The following AFF1 variants were observed in gnomAD, a reference collection of about 807,000 sequenced individuals.
The protein encoded by AFF1 is ALF transcription elongation factor 1.
Under a neutral mutation model 121.7 loss-of-function variants are expected in AFF1, and 48 were observed. The ratio of observed to expected loss-of-function variants is 0.39; its 90% CI spans 0.31 to 0.50. AFF1 has a LOEUF of 0.50. Ranked by LOEUF, AFF1 falls within the 20% of genes least tolerant of loss-of-function variation. The pLI is 0.76. For synonymous variants in AFF1, 613 were observed against 563.0 expected, an observed-to-expected ratio of 1.09 and a Z score of -1.26; for missense variants, 1,523 against 1,511.7, an observed-to-expected ratio of 1.01 and a Z score of -0.12.
At chr4:87,051,141 G>T (rs1731219868) in intron 4 of AFF1, among the ~76,000 whole-genome samples, 2 of 152,146 alleles carry the variant, frequency 1.3e-5, no homozygotes, top group South Asian at 4.1e-4. Context: ...CTTTCATTTT[G>T]CAAATAAGGT....
chr4:87,048,299 C>T (rs1477053738), intron 4 of AFF1, among the ~76,000 whole-genome samples: 2 of 152,044 alleles, frequency 1.3e-5, no homozygotes, highest in East Asian at 3.9e-4. Context: ...TTAAAAGTAA[C>T]CCAAATGCTG....
chr4:86,944,591 G>T (rs1159759495), intron 1 of AFF1, among the ~76,000 whole-genome samples: 1 of 151,962 alleles, frequency 6.6e-6, no homozygotes, highest in African/African-American at 2.4e-5. Context: ...TGATTTGCCC[G>T]CCTCGGCCTC....
intron 2 of AFF1, among the ~76,000 whole-genome samples, chr4:87,005,198 C>T (rs1726007816): frequency 6.6e-6 from 1 of 152,196 alleles, no homozygotes; most frequent in African/African-American, 2.4e-5. Flanking sequence ...GCTCTGGTAT[C>T]AAACTCCTGA....
chr4:87,123,697 TTC>T (rs1727944470), intron 12 of AFF1, among the ~76,000 whole-genome samples: 1 of 152,202 alleles, frequency 6.6e-6, no homozygotes. Flanking sequence ...TTTTTCTGTT[TTC>T]TATTATTTTG....
intron 2 of AFF1, chr4:87,007,253 C>G (rs1200108309): frequency 1.3e-6 from 2 of 1,497,398 alleles, no homozygotes; most frequent in African/African-American, 1.4e-5. Flanking sequence ...CGAGGACGCC[C>G]GGGGCTCGAG....
At chr4:86,984,992 A>C (rs1029939520) in intron 2 of AFF1, among the ~76,000 whole-genome samples, 5 of 151,672 alleles carry the variant, frequency 3.3e-5, no homozygotes, top group African/African-American at 4.8e-5. Flanking sequence ...TATTGGTATT[A>C]TTATTGTACT....
chr4:86,949,811 A>G (rs956061402), intron 2 of AFF1: 10 of 1,613,930 alleles, frequency 6.2e-6, no homozygotes, highest in Non-Finnish European at 7.6e-6. Context: ...ACACTGCGTC[A>G]TGATGGCGAA....
At chr4:86,997,161 C>T (rs1474970662) in intron 2 of AFF1, among the ~76,000 whole-genome samples, 3 of 152,184 alleles carry the variant, frequency 2.0e-5, no homozygotes, top group African/African-American at 7.2e-5. Flanking sequence ...ATCCGCCCGC[C>T]TTGGCCCCCC....
At chr4:87,041,544 T>C (rs1730152489) in intron 2 of AFF1, among the ~76,000 whole-genome samples, 1 of 152,144 alleles carries the variant, frequency 6.6e-6, no homozygotes, top group African/African-American at 2.4e-5. Flanking sequence ...ACCTCTTAGC[T>C]AATGCAAAGT....
At chr4:87,010,135 C>T (rs1726588079) in intron 2 of AFF1, among the ~76,000 whole-genome samples, 2 of 152,156 alleles carry the variant, frequency 1.3e-5, no homozygotes, top group South Asian at 4.1e-4. Flanking sequence ...TGAGAGATTA[C>T]CTAAGTATTT....
chr4:87,022,686 ATG>A (rs1476134343), intron 2 of AFF1, among the ~76,000 whole-genome samples: 35 of 79,222 alleles, frequency 4.4e-4, no homozygotes, highest in Middle Eastern at 8.2e-3. Flanking sequence ...ATGTGTGTGT[ATG>A]TATATCTGTG....
chr4:87,132,281 C>G lies in AFF1; in HGVS notation c.3184C>G (p.Gln1062Glu). The G allele has an allele frequency of 6.2e-7, 1 of 1,612,384 alleles. No individual in the cohort carries two copies. Among genetic ancestry groups the G allele is most frequent in the Non-Finnish European group, 8.5e-7 (1 of 1,179,348 alleles). Residue 1062 changes from glutamine to glutamate, a missense_variant, in exon 19 of 21, where the codon CAG (glutamine) becomes GAG (glutamate). By Grantham distance (29) the Gln-to-Glu change is conservative. Coordinates refer to ENST00000395146, the MANE Select transcript of AFF1 (RefSeq NM_001166693.3). Reference sequence around the variant, plus strand: ...TGTCTTTGTTCATAGCATGCGTTGCCAGTCCATTTTGAACATGGCGATGTT... The same window carrying G: ...TGTCTTTGTTCATAGCATGCGTTGCGAGTCCATTTTGAACATGGCGATGTT... ...KIFAVLCMRC[Q>E]SILNMAMFRC...
intron 2 of AFF1, among the ~76,000 whole-genome samples, chr4:86,994,789 G>A (rs1260702348): frequency 6.6e-6 from 1 of 152,204 alleles, no homozygotes; most frequent in Non-Finnish European, 1.5e-5. Flanking sequence ...GCATTCTAAT[G>A]AAGAGAAAAT....
At chr4:86,983,609 C>G (rs1481433976) in intron 2 of AFF1, among the ~76,000 whole-genome samples, 1 of 151,884 alleles carries the variant, frequency 6.6e-6, no homozygotes, top group African/African-American at 2.4e-5. Flanking sequence ...TCTTTAATCT[C>G]AGCTACTGAG....
At chr4:87,057,616 T>C (rs1720285443) in intron 4 of AFF1, among the ~76,000 whole-genome samples, 1 of 152,066 alleles carries the variant, frequency 6.6e-6, no homozygotes, top group African/African-American at 2.4e-5. Flanking sequence ...GGACAGAGGG[T>C]TATCAAAATG....
chr4:87,039,347 G>T (rs1206688682), intron 2 of AFF1, among the ~76,000 whole-genome samples: 2 of 152,214 alleles, frequency 1.3e-5, no homozygotes, highest in Non-Finnish European at 2.9e-5. Flanking sequence ...CCAGCATGGG[G>T]TTGACTAAAT....
chr4:87,042,034 TAC>T (rs1287208651), intron 2 of AFF1, among the ~76,000 whole-genome samples: 1 of 150,720 alleles, frequency 6.6e-6, no homozygotes. Context: ...AAAAAGTTGC[TAC>T]AGAGTTTGTG....
chr4:86,982,262 G>A (rs890423944), intron 2 of AFF1, among the ~76,000 whole-genome samples: 13 of 152,184 alleles, frequency 8.5e-5, no homozygotes, highest in African/African-American at 2.9e-4. Flanking sequence ...AGGATTCAAT[G>A]TTGGAAGTTG....
At chr4:87,096,555 T>C (rs1448118210) in intron 8 of AFF1, among the ~76,000 whole-genome samples, 1 of 151,638 alleles carries the variant, frequency 6.6e-6, no homozygotes, top group Non-Finnish European at 1.5e-5. Context: ...TTCTTTTTCT[T>C]TTTGGAGACA....
Sources: allele counts gnomAD v4.1 joint callset (sites outside exome capture counted in the v4.1 genomes callset), GRCh38; gene constraint gnomAD v4.1.1; transcripts MANE v1.5; gene names NCBI Gene and HGNC (gene_info 2026-07-23, HGNC 2026-07-21).